The following DIAPH2 variants were observed in gnomAD, a reference collection of about 807,000 sequenced individuals.
DIAPH2 encodes diaphanous related formin 2, also known as protein diaphanous homolog 2.
In DIAPH2, 35 loss-of-function variants were observed where a neutral mutation model predicts 92.7. The observed-to-expected ratio is 0.38, with a 90% CI of 0.29 to 0.50. DIAPH2 has a LOEUF of 0.50. DIAPH2 is among the 20% of genes least tolerant of loss of function. The pLI, the probability that DIAPH2 is intolerant of heterozygous loss-of-function variation, is 0.94. For synonymous variants in DIAPH2, 301 were observed against 280.4 expected (o/e 1.07, Z -0.73); for missense variants, 701 against 819.5 (o/e 0.86, Z 1.77).
intron 23 of DIAPH2, among the ~76,000 whole-genome samples, chrX:97,292,471 A>G (rs778074443): frequency 9.0e-6 from 1 of 111,662 alleles, no homozygotes; most frequent in Non-Finnish European, 1.9e-5. Context: ...TCTTTTAATC[A>G]GATGTTAAAA....
Position 97,185,492 on chromosome X carries a change from T to C in DIAPH2, c.2719+43698T>C, listed in dbSNP as rs939805275. Among the ~76,000 whole-genome samples the C allele has an allele frequency of 2.6e-3, 115 of 44,305 alleles. 5 individuals are homozygous for C. The highest frequency in any genetic ancestry group is 0.015 in the African/African-American group (105 of 6,965). 38.5% of individuals were successfully genotyped at this position (44,305 alleles called of 115,157 possible). ...ATATACACATATATATATATATATA[T>C]ATATATATATATATATATATATATA... is the stretch of plus-strand genomic sequence containing the variant. On this transcript the variant is annotated intron_variant, in intron 22 of 26. Transcript: ENST00000324765.
At chrX:97,207,196 G>A (rs1405815734) in intron 22 of DIAPH2, among the ~76,000 whole-genome samples, 1 of 111,355 alleles carries the variant, frequency 9.0e-6, no homozygotes, top group East Asian at 2.8e-4. Flanking sequence ...TTGTCTAATC[G>A]CTTATGAAGA....
intron 17 of DIAPH2, among the ~76,000 whole-genome samples, chrX:97,007,841 C>T (rs1277365372): frequency 1.0e-5 from 1 of 98,704 alleles, no homozygotes; most frequent in Non-Finnish European, 2.0e-5. Flanking sequence ...TGGCTTGCTG[C>T]AAGCTCCGCC....
chrX:97,313,108 C>T (rs924029688), intron 23 of DIAPH2, among the ~76,000 whole-genome samples: 2 of 110,744 alleles, frequency 1.8e-5, no homozygotes, highest in African/African-American at 6.6e-5. Context: ...TGGCGTGAAC[C>T]CGGGAGGCAG....
intron 23 of DIAPH2, among the ~76,000 whole-genome samples, chrX:97,310,352 A>T (rs933331423): frequency 3.6e-5 from 4 of 112,208 alleles, no homozygotes; most frequent in African/African-American, 1.3e-4. Flanking sequence ...AAGGAAAAAC[A>T]GATGAAATAA....
chrX:96,928,010 C>T (rs2065595291), intron 9 of DIAPH2, among the ~76,000 whole-genome samples: 1 of 111,100 alleles, frequency 9.0e-6, no homozygotes, highest in Non-Finnish European at 1.9e-5. Flanking sequence ...GCATGTTGCA[C>T]CAGTTAAATT....
At chrX:96,903,593 G>A (rs186306309) in intron 5 of DIAPH2, among the ~76,000 whole-genome samples, 1 of 111,965 alleles carries the variant, frequency 8.9e-6, no homozygotes, top group Non-Finnish European at 1.9e-5. Flanking sequence ...TAGAAAATGT[G>A]AGTAGCTTTT....
chrX:97,324,556 G>GT (rs1292936613), intron 23 of DIAPH2, among the ~76,000 whole-genome samples: 1 of 111,229 alleles, frequency 9.0e-6, no homozygotes, highest in African/African-American at 3.3e-5. Context: ...TTTTGTTCTT[G>GT]TTTTTTTCTA....
chrX:97,083,824 A>G (rs747721197), intron 19 of DIAPH2, among the ~76,000 whole-genome samples: 2 of 112,418 alleles, frequency 1.8e-5, no homozygotes, highest in East Asian at 5.6e-4. Flanking sequence ...AGGTCCAAAC[A>G]AAATGATACC....
chrX:97,345,903 T>A (rs1602524207), intron 23 of DIAPH2, among the ~76,000 whole-genome samples: 1 of 111,582 alleles, frequency 9.0e-6, no homozygotes, highest in East Asian at 2.8e-4. Flanking sequence ...TTTAGTTGAT[T>A]TAAGTTTTTA....
chrX:96,901,532 G>GT (rs369526046), intron 5 of DIAPH2, among the ~76,000 whole-genome samples: 539 of 33,043 alleles, frequency 0.016, 133 homozygotes, highest in African/African-American at 0.027. Flanking sequence ...TTTTCTTTCT[G>GT]TTTTTTTTTT....
At chrX:97,321,234 G>A (rs1010559766) in intron 23 of DIAPH2, among the ~76,000 whole-genome samples, 1 of 110,787 alleles carries the variant, frequency 9.0e-6, no homozygotes. Flanking sequence ...TTATAACACG[G>A]CTCATTTTCA....
intron 22 of DIAPH2, among the ~76,000 whole-genome samples, chrX:97,195,973 G>A (rs1402828408): frequency 9.0e-6 from 1 of 111,574 alleles, no homozygotes; most frequent in Non-Finnish European, 1.9e-5. Context: ...TATTTGACAT[G>A]ATGCCATTGT....
At chrX:97,137,260 C>T (rs1271650783) in intron 21 of DIAPH2, among the ~76,000 whole-genome samples, 9 of 59,189 alleles carry the variant, frequency 1.5e-4, no homozygotes, top group African/African-American at 4.0e-4. Context: ...CATATATAAA[C>T]GCAGTTATAC....
At chrX:96,821,765 T>A (rs1366870149) in intron 4 of DIAPH2, among the ~76,000 whole-genome samples, 1 of 112,054 alleles carries the variant, frequency 8.9e-6, no homozygotes, top group Non-Finnish European at 1.9e-5. Context: ...ATAACTTTTA[T>A]GGCCTTTGAA....
At chrX:96,770,534 A>G (rs2147613158) in intron 4 of DIAPH2, among the ~76,000 whole-genome samples, 1 of 111,721 alleles carries the variant, frequency 9.0e-6, no homozygotes, top group East Asian at 2.8e-4. Context: ...CAAAACATTG[A>G]TTATTGGAGG....
chrX:96,760,607 A>G (rs1039125312), intron 4 of DIAPH2, among the ~76,000 whole-genome samples: 2 of 111,420 alleles, frequency 1.8e-5, no homozygotes, highest in South Asian at 3.7e-4. Flanking sequence ...AGAAATGTCT[A>G]TCATGCTCCT....
rs770567222 is a variant in DIAPH2, at chrX:96,747,509, C to A, written c.342+8747C>A. Reference sequence around the variant, plus strand: ...CAGCAATTTATATTAATATACTTTGCATTTTTGTCATAATTTAATGATAAT... The same window carrying A: ...CAGCAATTTATATTAATATACTTTGAATTTTTGTCATAATTTAATGATAAT... On this transcript the variant is annotated intron_variant, in intron 3 of 26. Transcript: ENST00000324765. Among the ~76,000 whole-genome samples, 5 of 111,971 alleles carry A rather than the reference C, an allele frequency of 4.5e-5. No individual in the cohort carries two copies. The East Asian group carries it at 1.4e-3, about 31-fold the overall frequency.
intron 26 of DIAPH2, among the ~76,000 whole-genome samples, chrX:97,554,522 A>T (rs969480280): frequency 1.8e-5 from 2 of 111,941 alleles, no homozygotes; most frequent in African/African-American, 6.5e-5. Flanking sequence ...GAATCCTGAA[A>T]TGAACCCATA....
Sources: allele counts gnomAD v4.1 joint callset (sites outside exome capture counted in the v4.1 genomes callset), GRCh38; gene constraint gnomAD v4.1.1; transcripts MANE v1.5; gene names NCBI Gene and HGNC (gene_info 2026-07-23, HGNC 2026-07-21).